RBM33: variants seen among roughly 807,000 people sequenced by gnomAD.
The protein encoded by RBM33 is RNA-binding protein 33.
In RBM33, 28 loss-of-function variants were observed where a neutral mutation model predicts 132.6. The observed-to-expected ratio is 0.21, with a 90% CI of 0.16 to 0.29. The LOEUF (loss-of-function observed/expected upper bound fraction) is 0.29. Among genes scored for constraint, RBM33 ranks in the 10% least tolerant of loss-of-function variants. The probability of loss-of-function intolerance (pLI) is 1.00; values close to 1 mark genes in which losing one functional copy is unlikely to be tolerated. For synonymous variants in RBM33, 634 were observed against 593.0 expected, an observed-to-expected ratio of 1.07 and a Z score of -1.01; for missense variants, 1,291 against 1,518.5, an observed-to-expected ratio of 0.85 and a Z score of 2.49.
chr7:155,711,380 C>T lies in RBM33; in HGVS notation c.1126C>T (p.Pro376Ser). The change falls in exon 8 of 18, where the codon CCC becomes TCC. Residue 376 changes from proline (P) to serine (S), a missense_variant. Transcript: ENST00000401878. ...CCCAAGGATGATGATGACCCCGCCA[C>T]CCGTGACTCCACAGCAGCCCAAGAA... is the stretch of plus-strand genomic sequence containing the variant. ...ETPRMMMTPP[P>S]VTPQQPKNIH... The T allele has an allele frequency of 6.3e-7, 1 of 1,583,654 alleles. No individual in the cohort carries two copies. Among genetic ancestry groups the T allele is most frequent in the Non-Finnish European group, 8.6e-7 (1 of 1,165,282 alleles).
chr7:155,746,841 C>T (rs1362483890), intron 14 of RBM33, among the ~76,000 whole-genome samples: 2 of 152,072 alleles, frequency 1.3e-5, no homozygotes, highest in African/African-American at 2.4e-5. Context: ...CAGCTAGCAA[C>T]GATTGCTTTA....
rs149707944 is a variant in RBM33, at chr7:155,745,429, G to A, written c.2806G>A (p.Ala936Thr). ...GCATAAAGTGCTCCCGATCAAACCT[G>A]CAGATGTGGAGGAGCCAGCTGTCCC... ...PLHKVLPIKP[A>T]DVEEPAVPQT... Residue 936 changes from alanine to threonine, a missense_variant, in exon 14 of 18, where the codon GCA (alanine) becomes ACA (threonine). Transcript: ENST00000401878. The surrounding 1 kb of genome is among the most constrained non-coding windows in gnomAD (Gnocchi z 4.1). 2.8e-4 allele frequency: 458 copies of A among 1,613,874 alleles called. No homozygotes were observed. In the African/African-American group the frequency reaches 4.7e-3, roughly 16 times the overall value.
chr7:155,665,413 A>C (rs940162693), intron 2 of RBM33, among the ~76,000 whole-genome samples, 160 bp downstream of exon 2: 3 of 152,198 alleles, frequency 2.0e-5, no homozygotes, highest in Admixed American at 6.5e-5. Flanking sequence ...TTCTCCATGC[A>C]GAAGGCTGAG....
chr7:155,712,182 A>C (rs1011613424), intron 8 of RBM33, among the ~76,000 whole-genome samples: 2 of 152,232 alleles, frequency 1.3e-5, no homozygotes, highest in Admixed American at 1.3e-4. Context: ...GGTTCCAGGC[A>C]GCATGCCCCC....
At chr7:155,704,291 T>C (rs1288822469) in intron 6 of RBM33, among the ~76,000 whole-genome samples, 1 of 152,212 alleles carries the variant, frequency 6.6e-6, no homozygotes, top group African/African-American at 2.4e-5. Flanking sequence ...TCTATCAGGA[T>C]TGTGGAAATT....
intron 1 of RBM33, among the ~76,000 whole-genome samples, chr7:155,661,095 GTGGT>G (rs1415950152): frequency 0.014 from 1,936 of 134,150 alleles, 53 homozygotes; most frequent in African/African-American, 0.052. Context: ...GTGTGTGTGT[GTGGT>G]GTGTGTGTGT....
In RBM33 at chr7:155,776,322, C is replaced by G. The variant is rs3801905; in HGVS notation, c.*1281C>G. On this transcript the variant is annotated 3_prime_UTR_variant, in exon 18 of 18. Coordinates refer to ENST00000401878, the MANE Select transcript of RBM33 (RefSeq NM_053043.3). This position sits in a 1 kb window ranked among gnomAD's most constrained non-coding sequence, Gnocchi z 4.0. ...ACATTTTAGCTACCTTTTATACCTA[C>G]GATTTCATGTCACATTTACTAATAG... is the stretch of plus-strand genomic sequence containing the variant. 4,169 of 152,492 alleles carry G rather than the reference C, an allele frequency of 0.027. 72 individuals are homozygous for G. The highest frequency in any genetic ancestry group is 0.037 in the Middle Eastern group (11 of 294). The allele number at this position is 152,492 out of a possible 1,614,324, so 9.4% of individuals were successfully genotyped here. A position where few individuals can be genotyped will look rare whatever the true frequency, so the allele number is the denominator to read the frequency against.
chr7:155,646,456 C>G (rs1223354140), intron 1 of RBM33, among the ~76,000 whole-genome samples: 2 of 152,126 alleles, frequency 1.3e-5, no homozygotes, highest in Non-Finnish European at 2.9e-5. Flanking sequence ...GCCAAAGTTT[C>G]CTTTGCTCTT....
intron 7 of RBM33, 91 bp downstream of exon 7, chr7:155,707,159 T>C: frequency 8.9e-7 from 1 of 1,128,200 alleles, no homozygotes; most frequent in East Asian, 2.6e-5. Flanking sequence ...TTCTCTCTTC[T>C]TAGTCTGAAA....
Position 155,775,262 on chromosome 7 carries a change from CTT to C in RBM33, c.*222_*223del. The stretch of plus-strand genomic sequence containing the variant: ...TTGGTGTTAGATTGCTTCACATTCT[CTT>C]GTCACCACCAAGAACTCCAAGTTTT... On this transcript the variant is annotated 3_prime_UTR_variant, in exon 18 of 18. Transcript: ENST00000401878. The C allele has an allele frequency of 1.5e-6, 1 of 652,632 alleles. No homozygotes were observed. Among genetic ancestry groups the C allele is most frequent in the Non-Finnish European group, 2.8e-6 (1 of 357,058 alleles). 40.4% of individuals were successfully genotyped at this position (652,632 alleles called of 1,614,324 possible).
chr7:155,680,890 A>G lies in RBM33; in HGVS notation c.549A>G (p.Glu183=), dbSNP rs1328824456. The part of the protein sequence containing the change: ...TDEVLDIEIN[E]PLDEFTGGME... ...AAGTGTTAGACATCGAGATCAATGA[A>G]CCTTTAGATGAATTTACAGTGAGTC... Residue 183 remains glutamate, a synonymous_variant, in exon 5 of 18, where the codon GAA becomes GAG. Transcript: ENST00000401878. 11 of 1,613,352 alleles carry G rather than the reference A, an allele frequency of 6.8e-6. No homozygotes were observed. Among genetic ancestry groups the G allele is most frequent in the Non-Finnish European group, 8.5e-6 (10 of 1,179,620 alleles).
At chr7:155,712,323 C>T (rs531041339) in intron 8 of RBM33, among the ~76,000 whole-genome samples, 8 of 152,194 alleles carry the variant, frequency 5.3e-5, no homozygotes, top group African/African-American at 7.2e-5. Context: ...GCAGTTTATA[C>T]GAAGCTTTAA....
chr7:155,741,571 C>T (rs1801337422), intron 12 of RBM33, among the ~76,000 whole-genome samples: 1 of 152,106 alleles, frequency 6.6e-6, no homozygotes, highest in South Asian at 2.1e-4. Flanking sequence ...GAAGAGGAGC[C>T]TCTCTGTAGG....
At chr7:155,657,746 T>A (rs1243064653) in intron 1 of RBM33, among the ~76,000 whole-genome samples, 2 of 152,214 alleles carry the variant, frequency 1.3e-5, no homozygotes, top group Admixed American at 6.5e-5. Flanking sequence ...TGTGTCTTAA[T>A]GAGAAAAAAG....
At chr7:155,751,115 G>A (rs928541359) in intron 14 of RBM33, among the ~76,000 whole-genome samples, 1 of 152,138 alleles carries the variant, frequency 6.6e-6, no homozygotes, top group African/African-American at 2.4e-5. Flanking sequence ...GATCCGTTTT[G>A]TGGAGCTTGG....
chr7:155,686,479 C>CT (rs531347074), intron 5 of RBM33, among the ~76,000 whole-genome samples: 41 of 145,634 alleles, frequency 2.8e-4, no homozygotes, highest in South Asian at 8.7e-4. Flanking sequence ...TATTTTTTTT[C>CT]TTTTTTTTTT....
At chr7:155,748,203 T>C (rs890133558) in intron 14 of RBM33, among the ~76,000 whole-genome samples, 4 of 152,250 alleles carry the variant, frequency 2.6e-5, no homozygotes, top group Admixed American at 2.0e-4. Context: ...AACATTTTAT[T>C]GTTGGTTCGC....
At chr7:155,739,418 T>C in intron 11 of RBM33, 3 of 347,748 alleles carry the variant, frequency 8.6e-6, no homozygotes, top group Middle Eastern at 8.3e-4. Flanking sequence ...TTCAGTACTT[T>C]AGTATCATAG....
chr7:155,735,344 T>C (rs1190535101), intron 9 of RBM33, among the ~76,000 whole-genome samples: 3 of 152,228 alleles, frequency 2.0e-5, no homozygotes, highest in African/African-American at 7.2e-5. Context: ...AGTAACAGTA[T>C]GTAACGGCGT....
Sources: allele counts gnomAD v4.1 joint callset (sites outside exome capture counted in the v4.1 genomes callset), GRCh38; gene constraint gnomAD v4.1.1; non-coding constraint Gnocchi (gnomAD v3.1); transcripts MANE v1.5; gene names NCBI Gene and HGNC (gene_info 2026-07-23, HGNC 2026-07-21).